Variants in RASGRF1 observed in about 807,000 individuals in gnomAD.
RASGRF1 encodes the protein ras-specific guanine nucleotide-releasing factor 1.
RASGRF1 carries 40 observed loss-of-function variants against 138.7 expected under a neutral mutation model. The ratio of observed to expected loss-of-function variants is 0.29; its 90% confidence interval spans 0.22 to 0.38. RASGRF1 has a LOEUF of 0.38. Ranked by LOEUF, RASGRF1 falls within the 10% of genes least tolerant of loss-of-function variation. The pLI, the probability that RASGRF1 is intolerant of heterozygous loss-of-function variation, is 1.00. For missense variants in RASGRF1, 1,108 were observed against 1,650.4 expected (o/e 0.67, Z 5.69); for synonymous variants, 614 against 663.2 (o/e 0.93, Z 1.14).
chr15:78,968,195 C>T (rs2055680187), intron 26 of RASGRF1, among the ~76,000 whole-genome samples: 1 of 151,468 alleles, frequency 6.6e-6, no homozygotes, highest in Admixed American at 6.6e-5. Context: ...GGATTAAAAG[C>T]TCACCACTGA....
intron 24 of RASGRF1, 93 bp downstream of exon 24, chr15:78,980,527 A>T: frequency 1.0e-6 from 1 of 974,022 alleles, no homozygotes; most frequent in Non-Finnish European, 1.6e-6. Context: ...AGACAGAAAG[A>T]CCTCCTGCTC....
At chr15:79,052,244 C>T (rs926807896) in intron 3 of RASGRF1, among the ~76,000 whole-genome samples, 1 of 152,220 alleles carries the variant, frequency 6.6e-6, no homozygotes, top group Admixed American at 6.5e-5. Context: ...CCACCCTACT[C>T]CCCTCTCTGG....
chr15:79,030,487 G>A (rs767599001), intron 8 of RASGRF1, among the ~76,000 whole-genome samples: 3 of 152,120 alleles, frequency 2.0e-5, no homozygotes, highest in East Asian at 1.9e-4. Context: ...GATGATTGCC[G>A]GATTTCTCTT....
intron 1 of RASGRF1, among the ~76,000 whole-genome samples, chr15:79,087,568 A>G (rs564149823): frequency 2.0e-5 from 3 of 152,358 alleles, no homozygotes; most frequent in East Asian, 1.9e-4. Flanking sequence ...CACTCTGTAC[A>G]TGCCCAGCAG....
chr15:78,985,142 G>T lies in RASGRF1; in HGVS notation c.3279C>A (p.Ala1093=). ...CAGCTACGGCCACCCACTTCTCGAT[G>T]GCGCTCACCCTGGCGTTGATGTCCT... ...RNEDINARVS[A]IEKWVAVADI... is the part of the protein sequence containing the mutation. Residue 1093 remains alanine, a synonymous_variant, in exon 23 of 27, where the codon GCC becomes GCA. Transcript: ENST00000558480. 6.2e-7 allele frequency: 1 copy of T among 1,613,640 alleles called. No individual in the cohort carries two copies. Among genetic ancestry groups the T allele is most frequent in the Non-Finnish European group, 8.5e-7 (1 of 1,179,486 alleles).
At chr15:79,088,652 G>GA (rs1043590446) in intron 1 of RASGRF1, among the ~76,000 whole-genome samples, 2 of 152,182 alleles carry the variant, frequency 1.3e-5, no homozygotes, top group African/African-American at 2.4e-5. Context: ...ATGGAGGGGG[G>GA]ATCTGGCTGG....
At chr15:79,017,542 G>A (rs939405734) in intron 12 of RASGRF1, among the ~76,000 whole-genome samples, 1 of 152,150 alleles carries the variant, frequency 6.6e-6, no homozygotes, top group African/African-American at 2.4e-5. Flanking sequence ...AGATGCAAGA[G>A]GGGTTTCCAG....
chr15:79,020,187 G>T (rs954526940), intron 10 of RASGRF1, 83 bp from the exon 11 acceptor site: 24 of 1,330,048 alleles, frequency 1.8e-5, no homozygotes, highest in Admixed American at 1.7e-4. Flanking sequence ...GGTTGGAGGG[G>T]ACTTTAACAA....
chr15:79,027,730 A>G lies in RASGRF1; in HGVS notation c.1381+11T>C. On this transcript the variant is annotated intron_variant, in intron 9 of 26. Transcript: ENST00000558480. The surrounding 1 kb of genome is among the most constrained non-coding windows in gnomAD (Gnocchi z 4.8). ...GGTGGGGGCAGGGGAGACAGGGTGC[A>G]GAGGCCATACCTTGTCTCACAAAGG... is the stretch of plus-strand genomic sequence containing the variant. 1 of 1,612,926 alleles carries G rather than the reference A, an allele frequency of 6.2e-7. No homozygotes were observed. Among genetic ancestry groups the G allele is most frequent in the Non-Finnish European group, 8.5e-7 (1 of 1,178,866 alleles).
intron 3 of RASGRF1, among the ~76,000 whole-genome samples, chr15:79,056,424 G>A (rs747630327): frequency 1.7e-4 from 26 of 152,174 alleles, no homozygotes; most frequent in African/African-American, 2.7e-4. Context: ...TGGGTGGGCC[G>A]GAGTGGGGAC....
chr15:79,002,461 G>A (rs907617133), intron 15 of RASGRF1, among the ~76,000 whole-genome samples: 12 of 152,146 alleles, frequency 7.9e-5, no homozygotes, highest in Admixed American at 7.2e-4. Context: ...ATCTGACCTT[G>A]AGAACACAAA....
At position 78,970,480 on chromosome 15, in the gene RASGRF1, T is replaced by A. The variant is rs780080084; in HGVS notation, c.3681+1386A>T. ...CATAACCTCCTTTCAGGGCTTCCCA[T>A]GGTCCTAAGGACAAAGTCCCTGATC... On this transcript the variant is annotated intron_variant, in intron 26 of 26. Transcript: ENST00000558480. Among the ~76,000 whole-genome samples the A allele has an allele frequency of 5.3e-5, 8 of 151,966 alleles. No homozygotes were observed. In the East Asian group the frequency reaches 1.2e-3, roughly 22 times the overall value.
At chr15:79,002,429 C>G (rs78615548) in intron 15 of RASGRF1, among the ~76,000 whole-genome samples, 1 of 152,270 alleles carries the variant, frequency 6.6e-6, no homozygotes, top group African/African-American at 2.4e-5. Flanking sequence ...AGTTTACCCA[C>G]GTAGAAAGTG....
intron 1 of RASGRF1, among the ~76,000 whole-genome samples, chr15:79,087,300 A>G (rs1414405313): frequency 6.6e-6 from 1 of 152,262 alleles, no homozygotes; most frequent in East Asian, 1.9e-4. Flanking sequence ...GAATTAACAT[A>G]TGATAGGCTA....
At chr15:79,012,828 G>A (rs368267531) in intron 13 of RASGRF1, among the ~76,000 whole-genome samples, 1 of 152,074 alleles carries the variant, frequency 6.6e-6, no homozygotes. Flanking sequence ...GATTACAGGC[G>A]CATGCCACCA....
intron 23 of RASGRF1, among the ~76,000 whole-genome samples, chr15:78,982,750 C>A (rs1324421047): frequency 6.6e-6 from 1 of 152,108 alleles, no homozygotes; most frequent in Non-Finnish European, 1.5e-5. Context: ...CCCAGAGAGG[C>A]CAAAATCGAT....
chr15:79,040,978 A>T (rs1056707980), intron 5 of RASGRF1, among the ~76,000 whole-genome samples: 1 of 152,184 alleles, frequency 6.6e-6, no homozygotes, highest in African/African-American at 2.4e-5. Context: ...CCCTGTGTCT[A>T]ACTCCAGCAA....
chr15:79,031,530 T>A, intron 7 of RASGRF1, 21 bp from the exon 8 acceptor site: 1 of 1,546,968 alleles, frequency 6.5e-7, no homozygotes, highest in Non-Finnish European at 8.8e-7. Context: ...GTGGGAGAGG[T>A]GAGGGTGGAG....
At chr15:78,976,380 G>A (rs1226583727) in intron 24 of RASGRF1, among the ~76,000 whole-genome samples, 1 of 152,088 alleles carries the variant, frequency 6.6e-6, no homozygotes, top group African/African-American at 2.4e-5. Flanking sequence ...ACTAACGATA[G>A]CTAATAAGCT....
Sources: allele counts gnomAD v4.1 joint callset (sites outside exome capture counted in the v4.1 genomes callset), GRCh38; gene constraint gnomAD v4.1.1; non-coding constraint Gnocchi (gnomAD v3.1); transcripts MANE v1.5; gene names NCBI Gene and HGNC (gene_info 2026-07-23, HGNC 2026-07-21).